The following TXNL1 variants were observed in gnomAD, a reference collection of about 807,000 sequenced individuals.
TXNL1 encodes the protein thioredoxin like 1.
In TXNL1, 14 loss-of-function variants were observed where a neutral mutation model predicts 35.5. That is an observed-to-expected ratio of 0.39 (90% CI 0.26 to 0.62). TXNL1 has a LOEUF of 0.62. Ranked by LOEUF, TXNL1 falls within the 20% of genes least tolerant of loss-of-function variation. TXNL1 has a pLI of 0.47. For missense variants in TXNL1, 263 were observed against 349.7 expected, an observed-to-expected ratio of 0.75 and a Z score of 1.98; for synonymous variants, 110 against 115.5, an observed-to-expected ratio of 0.95 and a Z score of 0.31.
chr18:56,616,501 C>T (rs551214675), intron 4 of TXNL1, among the ~76,000 whole-genome samples, 187 bp from the exon 5 acceptor site: 1 of 152,054 alleles, frequency 6.6e-6, no homozygotes, highest in African/African-American at 2.4e-5. Context: ...AGAACTACTA[C>T]TATTAGTTAT....
At position 56,598,847 on chromosome 18, in the gene TXNL1, A is replaced by G. The variant is rs1428289247; in HGVS notation, c.*4180T>C. The stretch of plus-strand genomic sequence containing the variant: ...GAGCTCTGAAGGATGTTACTTGCTC[A>G]AGATGACACAGCTAACAAGTGGAAG... On this transcript the variant is annotated 3_prime_UTR_variant, in exon 8 of 8. Transcript: ENST00000217515. The G allele has an allele frequency of 6.6e-6, 1 of 152,248 alleles. No individual in the cohort carries two copies. The highest frequency in any genetic ancestry group is 1.5e-5 in the Non-Finnish European group (1 of 68,052). 9.4% of individuals were successfully genotyped at this position (152,248 alleles called of 1,614,324 possible).
rs2023768313 is a variant in TXNL1, at chr18:56,598,284, C to T, written c.*4743G>A. The T allele has an allele frequency of 6.6e-6, 1 of 152,142 alleles. No homozygotes were observed. Among genetic ancestry groups the T allele is most frequent in the Non-Finnish European group, 1.5e-5 (1 of 68,028 alleles). The allele number at this position is 152,142 out of a possible 1,614,324, so 9.4% of individuals were successfully genotyped here. ...AAATACTTGTATTACAGCTCACAAT[C>T]TAGTAGTCCAAATAAGACTACAGAT... On this transcript the variant is annotated 3_prime_UTR_variant, in exon 8 of 8. Coordinates refer to ENST00000217515, the MANE Select transcript of TXNL1 (RefSeq NM_004786.3).
Position 56,616,294 on chromosome 18 carries a change from G to A in TXNL1, c.513C>T (p.Phe171=), listed in dbSNP as rs2024085549. 6.2e-7 allele frequency: 1 copy of A among 1,613,582 alleles called. No homozygotes were observed. Among genetic ancestry groups the A allele is most frequent in the Admixed American group, 1.7e-5 (1 of 59,988 alleles). ...CDEQLLITVA[F]NQPVKLYSMK... ...TGGAATAAAGCTTAACAGGTTGATT[G>A]AATGCCACAGTAATAAGCAGCTGTG... Residue 171 remains phenylalanine (F), a synonymous_variant, in exon 5 of 8, where the codon TTC becomes TTT. Coordinates refer to ENST00000217515, the MANE Select transcript of TXNL1 (RefSeq NM_004786.3).
At chr18:56,638,270 C>G (rs2024488622) in intron 1 of TXNL1, 73 bp downstream of exon 1, 1 of 1,461,098 alleles carries the variant, frequency 6.8e-7, no homozygotes, top group East Asian at 2.6e-5. Context: ...GCTAGGAAAC[C>G]AGGGCCAACA....
At chr18:56,637,596 A>C (rs531918133) in intron 1 of TXNL1, among the ~76,000 whole-genome samples, 40 of 152,322 alleles carry the variant, frequency 2.6e-4, no homozygotes, top group African/African-American at 9.1e-4. Flanking sequence ...TACCAAAGAC[A>C]GTTAACATTT....
chr18:56,636,835 A>G (rs961830998), intron 1 of TXNL1, among the ~76,000 whole-genome samples: 4 of 152,224 alleles, frequency 2.6e-5, no homozygotes, highest in African/African-American at 4.8e-5. Flanking sequence ...AGAATAAGTG[A>G]ACTAAAAGTG....
intron 2 of TXNL1, chr18:56,626,147 G>A (rs1191625094): frequency 4.1e-6 from 5 of 1,222,444 alleles, no homozygotes; most frequent in Non-Finnish European, 2.1e-6. Flanking sequence ...ATATCAGAAG[G>A]TGATTAATAC....
rs1326794842 is a variant in TXNL1 at position 56,598,570 on chromosome 18, C to T, written c.*4457G>A. 1.3e-5 allele frequency: 2 copies of T among 152,568 alleles called. No individual in the cohort carries two copies. The highest frequency in any genetic ancestry group is 4.8e-5 in the African/African-American group (2 of 41,404). The allele number at this position is 152,568 out of a possible 1,614,324, so 9.5% of individuals were successfully genotyped here. A position where few individuals can be genotyped will look rare whatever the true frequency, so the allele number is the denominator to read the frequency against. ...GGGGAGGCTAGAGGAGGAGAGATTA[C>T]ATTACAAAGACCCCATAAAGAAAAG... On this transcript the variant is annotated 3_prime_UTR_variant, in exon 8 of 8. Coordinates refer to ENST00000217515, the MANE Select transcript of TXNL1 (RefSeq NM_004786.3).
chr18:56,603,872 T>A (rs1031576792), intron 7 of TXNL1, among the ~76,000 whole-genome samples: 21 of 152,206 alleles, frequency 1.4e-4, no homozygotes, highest in Non-Finnish European at 3.1e-4. Flanking sequence ...ACTGAATGTA[T>A]GTTTGTGTAG....
intron 4 of TXNL1, 40 bp from the exon 5 acceptor site, chr18:56,616,354 A>T: frequency 6.5e-7 from 1 of 1,534,892 alleles, no homozygotes; most frequent in Non-Finnish European, 9.0e-7. Flanking sequence ...GCTCTTGTAC[A>T]CACCTTGAGT....
chr18:56,620,909 AGCC>A (rs2024169302), intron 3 of TXNL1, among the ~76,000 whole-genome samples: 1 of 152,252 alleles, frequency 6.6e-6, no homozygotes, highest in Non-Finnish European at 1.5e-5. Flanking sequence ...GGTAACGTAT[AGCC>A]AATTTAAAAG....
chr18:56,600,535 G>T lies in TXNL1; in HGVS notation c.*2492C>A, dbSNP rs940183566. 7.9e-5 allele frequency: 12 copies of T among 151,620 alleles called. No homozygotes were observed. The highest frequency in any genetic ancestry group is 1.8e-4 in the Non-Finnish European group (12 of 68,052). The allele number at this position is 151,620 out of a possible 1,614,324, so 9.4% of individuals were successfully genotyped here. On this transcript the variant is annotated 3_prime_UTR_variant, in exon 8 of 8. Transcript: ENST00000217515. ...GAATATTGAGACTGGGGAACAACGT[G>T]GGGCAGGTTTCAACTCTAATTGTTA...
At chr18:56,619,499 C>T (rs1462806277) in intron 3 of TXNL1, among the ~76,000 whole-genome samples, 3 of 138,644 alleles carry the variant, frequency 2.2e-5, no homozygotes, top group Admixed American at 1.6e-4. Context: ...GATCACACCA[C>T]TGCACTCCAG....
At chr18:56,614,304 T>C in intron 6 of TXNL1, 120 bp downstream of exon 6, 1 of 811,678 alleles carries the variant, frequency 1.2e-6, no homozygotes, top group Non-Finnish European at 1.8e-6. Flanking sequence ...AACATTTTAC[T>C]CATTTCAAAC....
chr18:56,609,326 C>T (rs1192934024), intron 7 of TXNL1: 1 of 152,170 alleles, frequency 6.6e-6, no homozygotes, highest in Non-Finnish European at 1.5e-5. Flanking sequence ...ATCCTAAAGA[C>T]AGCCCCCAAA....
chr18:56,633,094 T>G (rs970475777), intron 1 of TXNL1, among the ~76,000 whole-genome samples: 3 of 151,984 alleles, frequency 2.0e-5, no homozygotes, highest in Admixed American at 2.0e-4. Flanking sequence ...AGATCTGCTT[T>G]AAGAAAATTC....
At chr18:56,637,232 T>C (rs1046353516) in intron 1 of TXNL1, among the ~76,000 whole-genome samples, 29 of 152,204 alleles carry the variant, frequency 1.9e-4, no homozygotes, top group African/African-American at 6.8e-4. Context: ...CAACATTTAG[T>C]GAACCATCTA....
intron 1 of TXNL1, among the ~76,000 whole-genome samples, chr18:56,633,940 T>C (rs180978771): frequency 1.9e-3 from 229 of 121,948 alleles, no homozygotes; most frequent in Middle Eastern, 9.1e-3. Flanking sequence ...GCTGAGATCA[T>C]GCCACTGCAC....
intron 1 of TXNL1, among the ~76,000 whole-genome samples, chr18:56,631,795 C>T (rs2024375913): frequency 6.6e-6 from 1 of 151,964 alleles, no homozygotes. Flanking sequence ...TAACGCATGC[C>T]TGTAATCTCA....
Sources: allele counts gnomAD v4.1 joint callset (sites outside exome capture counted in the v4.1 genomes callset), GRCh38; gene constraint gnomAD v4.1.1; transcripts MANE v1.5; gene names NCBI Gene and HGNC (gene_info 2026-07-23, HGNC 2026-07-21).